The following PCDH15 variants were observed in gnomAD, a reference collection of about 807,000 sequenced individuals.
PCDH15 encodes protocadherin related 15, also known as protocadherin-15.
In PCDH15, 129 loss-of-function variants were observed where a neutral mutation model predicts 178.5. The observed-to-expected ratio is 0.72, with a 90% CI of 0.63 to 0.84. The LOEUF (loss-of-function observed/expected upper bound fraction) is 0.84. Ranked by LOEUF, PCDH15 falls within the 40% of genes least tolerant of loss-of-function variation. The probability of loss-of-function intolerance (pLI) is 0.00; values close to 1 mark genes in which losing one functional copy is unlikely to be tolerated. For missense variants in PCDH15, 2,230 were observed against 2,099.9 expected (o/e 1.06, Z -1.21); for synonymous variants, 800 against 732.0 (o/e 1.09, Z -1.50).
intron 1 of PCDH15, among the ~76,000 whole-genome samples, chr10:54,772,507 T>C (rs547831565): frequency 6.6e-6 from 1 of 152,010 alleles, no homozygotes; most frequent in African/African-American, 2.4e-5. Context: ...AACAAACATA[T>C]GAAAAAAAGC....
At chr10:54,857,639 G>A (rs1003432457) in intron 3 of PCDH15, among the ~76,000 whole-genome samples, 1 of 148,902 alleles carries the variant, frequency 6.7e-6, no homozygotes, top group Non-Finnish European at 1.5e-5. Context: ...TTTTTTTAGA[G>A]ATAGGGTCTT....
chr10:55,360,431 T>C (rs1845200212), intron 2 of PCDH15, among the ~76,000 whole-genome samples: 1 of 151,756 alleles, frequency 6.6e-6, no homozygotes, highest in South Asian at 2.1e-4. Context: ...TAAGAGACCA[T>C]TAAGACAGTA....
intron 3 of PCDH15, among the ~76,000 whole-genome samples, chr10:54,885,337 A>T (rs1326857266): frequency 6.6e-6 from 1 of 152,074 alleles, no homozygotes; most frequent in Non-Finnish European, 1.5e-5. Flanking sequence ...TTGAAAAAAA[A>T]ATAAATTTTA....
Position 54,061,559 on chromosome 10 carries a change from A to C in PCDH15, c.2220+5198T>G, listed in dbSNP as rs184690439. Reference sequence around the variant, plus strand: ...TTAAATTTCCAACAAAGATTTCACTAATACATTGAAAAGAACCAAGAATAA... The same window carrying C: ...TTAAATTTCCAACAAAGATTTCACTCATACATTGAAAAGAACCAAGAATAA... On this transcript the variant is annotated intron_variant, in intron 18 of 37. Transcript: ENST00000644397. Among the ~76,000 whole-genome samples the C allele has an allele frequency of 3.3e-5, 5 of 152,048 alleles. No homozygotes were observed. The East Asian group carries it at 9.7e-4, about 29-fold the overall frequency.
chr10:55,470,183 C>T (rs1044728064), intron 2 of PCDH15, among the ~76,000 whole-genome samples: 6 of 151,540 alleles, frequency 4.0e-5, no homozygotes, highest in African/African-American at 1.2e-4. Flanking sequence ...AAACACTGTC[C>T]CTACTAAAAA....
At chr10:55,602,627 C>T (rs548374483) in intron 2 of PCDH15, among the ~76,000 whole-genome samples, 1 of 146,782 alleles carries the variant, frequency 6.8e-6, no homozygotes, top group Non-Finnish European at 1.5e-5. Flanking sequence ...AGCAGGGGCA[C>T]ACTGACACCT....
intron 1 of PCDH15, among the ~76,000 whole-genome samples, chr10:55,306,207 A>C (rs1210232750): frequency 6.6e-6 from 1 of 152,248 alleles, no homozygotes; most frequent in Non-Finnish European, 1.5e-5. Flanking sequence ...ACCATGAGCC[A>C]TCAGTATTTT....
chr10:54,138,298 G>C (rs193020624), intron 14 of PCDH15, among the ~76,000 whole-genome samples: 2 of 151,938 alleles, frequency 1.3e-5, no homozygotes, highest in African/African-American at 4.8e-5. Context: ...TAGACAGTGG[G>C]ATTGGCTCCT....
intron 2 of PCDH15, among the ~76,000 whole-genome samples, chr10:55,548,209 T>TGCGCACACACACACACACACACACGC (rs200277416): frequency 8.6e-6 from 1 of 116,044 alleles, no homozygotes; most frequent in Non-Finnish European, 1.7e-5. Context: ...AAATGCCTAA[T>TGCGCACACACACACACACACACACGC]GCACACACAC....
At chr10:54,721,798 G>A (rs948830372) in intron 1 of PCDH15, among the ~76,000 whole-genome samples, 1 of 151,752 alleles carries the variant, frequency 6.6e-6, no homozygotes, top group African/African-American at 2.4e-5. Context: ...ATACAAAGAA[G>A]AGCCAATACT....
intron 2 of PCDH15, chr10:54,655,642 G>C (rs945742315): frequency 6.6e-6 from 1 of 152,004 alleles, no homozygotes; most frequent in African/African-American, 2.4e-5. Flanking sequence ...CAAGGCATAA[G>C]GTCAGAACTT....
intron 3 of PCDH15, among the ~76,000 whole-genome samples, chr10:54,468,234 T>C (rs548165431): frequency 2.0e-5 from 3 of 152,124 alleles, no homozygotes; most frequent in Non-Finnish European, 4.4e-5. Flanking sequence ...TTAAAATTTA[T>C]TGAGGTGTAT....
chr10:55,142,407 G>T (rs1838378962), intron 2 of PCDH15, among the ~76,000 whole-genome samples: 2 of 151,450 alleles, frequency 1.3e-5, no homozygotes, highest in African/African-American at 4.8e-5. Flanking sequence ...TGTTAATATG[G>T]ATGTAGATTC....
intron 2 of PCDH15, among the ~76,000 whole-genome samples, chr10:54,650,381 A>G (rs1344384394): frequency 6.6e-6 from 1 of 152,092 alleles, no homozygotes; most frequent in African/African-American, 2.4e-5. Flanking sequence ...AATAATAGTA[A>G]AATACTAATA....
At chr10:54,291,924 C>G (rs1022928056) in intron 8 of PCDH15, among the ~76,000 whole-genome samples, 1 of 152,166 alleles carries the variant, frequency 6.6e-6, no homozygotes, top group Non-Finnish European at 1.5e-5. Flanking sequence ...CCTTCTGAAA[C>G]TATTCCAATT....
intron 3 of PCDH15, among the ~76,000 whole-genome samples, chr10:54,858,771 A>C (rs1215124809): frequency 6.6e-6 from 1 of 152,058 alleles, no homozygotes; most frequent in Non-Finnish European, 1.5e-5. Context: ...ATATGCATGC[A>C]TAACTATATA....
intron 3 of PCDH15, among the ~76,000 whole-genome samples, chr10:54,428,846 T>A (rs1460920241): frequency 6.6e-6 from 1 of 152,154 alleles, no homozygotes; most frequent in East Asian, 1.9e-4. Flanking sequence ...CCTACAATAG[T>A]GTATCCAGTA....
intron 3 of PCDH15, among the ~76,000 whole-genome samples, chr10:54,880,772 C>A (rs193030373): frequency 2.0e-4 from 30 of 148,130 alleles, no homozygotes; most frequent in African/African-American, 6.7e-4. Context: ...GAGAGAAGTG[C>A]ATACTAGATT....
chr10:54,186,365 T>G (rs2048474094), intron 11 of PCDH15, among the ~76,000 whole-genome samples: 1 of 151,988 alleles, frequency 6.6e-6, no homozygotes, highest in Admixed American at 6.6e-5. Context: ...ATAATAGAAC[T>G]CATAATTTCA....
Sources: allele counts gnomAD v4.1 joint callset (sites outside exome capture counted in the v4.1 genomes callset), GRCh38; gene constraint gnomAD v4.1.1; transcripts MANE v1.5; gene names NCBI Gene and HGNC (gene_info 2026-07-23, HGNC 2026-07-21).